BIRC6: variants seen among roughly 807,000 people sequenced by gnomAD.
The protein encoded by BIRC6 is baculoviral IAP repeat containing 6.
Under a neutral mutation model 503.3 loss-of-function variants are expected in BIRC6, and 98 were observed. The observed-to-expected ratio is 0.19, with a 90% CI of 0.17 to 0.23. The LOEUF (loss-of-function observed/expected upper bound fraction) is 0.23, where lower values mean the gene tolerates loss of function less well. Among genes scored for constraint, BIRC6 ranks in the 10% least tolerant of loss-of-function variants. The pLI, the probability that BIRC6 is intolerant of heterozygous loss-of-function variation, is 1.00. For synonymous variants in BIRC6, 2,240 were observed against 2,078.7 expected, an observed-to-expected ratio of 1.08 and a Z score of -2.11; for missense variants, 5,360 against 5,806.0, an observed-to-expected ratio of 0.92 and a Z score of 2.50.
At position 32,374,729 on chromosome 2, in the gene BIRC6, C is replaced by T. The variant is rs186699298; in HGVS notation, c.326-2859C>T. On this transcript the variant is annotated intron_variant, in intron 1 of 73. Coordinates refer to ENST00000421745, the MANE Select transcript of BIRC6 (RefSeq NM_016252.4). ...CCTTGTGATCCACCTGCCTCGGCCT[C>T]CCAAAGTGCTGGGATTACAGGCGTG... 7.6e-3 allele frequency among the ~76,000 whole-genome samples: 1,150 copies of T among 152,244 alleles called. 8 individuals are homozygous for T. Among genetic ancestry groups the T allele is most frequent in the Middle Eastern group, 0.02 (6 of 294 alleles).
chr2:32,424,837 C>T (rs1039780251), intron 10 of BIRC6, among the ~76,000 whole-genome samples: 1 of 152,030 alleles, frequency 6.6e-6, no homozygotes, highest in Non-Finnish European at 1.5e-5. Context: ...TGAGAATCAC[C>T]AAGTTATTTT....
intron 71 of BIRC6, among the ~76,000 whole-genome samples, chr2:32,605,880 T>G (rs989505930): frequency 6.6e-6 from 1 of 152,048 alleles, no homozygotes; most frequent in Non-Finnish European, 1.5e-5. Context: ...AAATAAAAAT[T>G]AAAAATATGA....
intron 72 of BIRC6, among the ~76,000 whole-genome samples, chr2:32,610,557 T>C (rs527571322): frequency 2.6e-4 from 40 of 152,340 alleles, no homozygotes; most frequent in Admixed American, 9.8e-4. Flanking sequence ...CTAGGTGTTC[T>C]TTGAGTTATC....
At chr2:32,451,953 G>A (rs1383422580) in intron 22 of BIRC6, among the ~76,000 whole-genome samples, 2 of 152,092 alleles carry the variant, frequency 1.3e-5, no homozygotes, top group African/African-American at 4.8e-5. Context: ...AATGATCAAT[G>A]CATGATGTTT....
chr2:32,537,822 C>T (rs188834985), intron 61 of BIRC6, among the ~76,000 whole-genome samples: 3 of 151,882 alleles, frequency 2.0e-5, no homozygotes, highest in African/African-American at 4.8e-5. Flanking sequence ...AAAAATTAGC[C>T]GGGCGGGGTG....
At chr2:32,535,922 A>G (rs1283573302) in intron 61 of BIRC6, among the ~76,000 whole-genome samples, 1 of 152,232 alleles carries the variant, frequency 6.6e-6, no homozygotes, top group Admixed American at 6.5e-5. Context: ...AGTCCCACCA[A>G]CGGTGTAAAA....
At chr2:32,569,642 G>A (rs1300225559) in intron 65 of BIRC6, among the ~76,000 whole-genome samples, 1 of 151,080 alleles carries the variant, frequency 6.6e-6, no homozygotes, top group Non-Finnish European at 1.5e-5. Flanking sequence ...AAAGTGCTGT[G>A]ATTTCAGGCA....
At chr2:32,379,986 C>T (rs1421691085) in intron 2 of BIRC6, among the ~76,000 whole-genome samples, 167 bp from the exon 3 acceptor site, 1 of 151,856 alleles carries the variant, frequency 6.6e-6, no homozygotes, top group African/African-American at 2.4e-5. Flanking sequence ...TTATAATAGC[C>T]CTTTAAATTA....
intron 59 of BIRC6, chr2:32,527,107 G>A (rs1017742281): frequency 6.6e-6 from 1 of 152,172 alleles, no homozygotes; most frequent in Non-Finnish European, 1.5e-5. Flanking sequence ...GCATACATAA[G>A]TACAAACATG....
chr2:32,486,936 C>T (rs1239971751), intron 40 of BIRC6, among the ~76,000 whole-genome samples: 3 of 151,858 alleles, frequency 2.0e-5, no homozygotes, highest in Non-Finnish European at 4.4e-5. Flanking sequence ...CCCAAAGTAA[C>T]CCTTTTCTTT....
intron 3 of BIRC6, among the ~76,000 whole-genome samples, chr2:32,382,579 A>G (rs556220965): frequency 1.3e-5 from 2 of 152,342 alleles, no homozygotes; most frequent in East Asian, 3.9e-4. Context: ...CCAACCTGAT[A>G]GAGCAGAGAA....
Position 32,362,566 on chromosome 2 carries a change from C to T in BIRC6, c.325+5080C>T, listed in dbSNP as rs1178973565. On this transcript the variant is annotated intron_variant, in intron 1 of 73. Transcript: ENST00000421745. ...ATCTCTTGACCTCATGATCTGCCTG[C>T]CTCGGCCTCCCAAAGTGCTGGGATT... Among the ~76,000 whole-genome samples, 23 of 152,054 alleles carry T rather than the reference C, an allele frequency of 1.5e-4. 1 individual carries two copies. The highest frequency in any genetic ancestry group is 1.5e-3 in the Admixed American group (23 of 15,248).
At chr2:32,494,712 G>A (rs2052222141) in intron 45 of BIRC6, among the ~76,000 whole-genome samples, 1 of 151,696 alleles carries the variant, frequency 6.6e-6, no homozygotes. Flanking sequence ...GAGTAGCCTG[G>A]GTCACATGGC....
chr2:32,468,549 G>T lies in BIRC6; in HGVS notation c.5893G>T (p.Glu1965Ter), dbSNP rs200263055. Residue 1965 changes from glutamate to a stop codon, truncating the protein, a stop_gained, in exon 29 of 74, where the codon GAG becomes TAG. Transcript: ENST00000421745. LOFTEE classifies it high-confidence loss of function. ...TTTACGAAAACCAGATAAGGCAGTTGAGGAAGACAGTAGGGTTTTTTCTGC... is the reference window on the plus strand; with the variant it reads ...TTTACGAAAACCAGATAAGGCAGTTTAGGAAGACAGTAGGGTTTTTTCTGC... ...YFLRKPDKAVEEDSRVFSAYQ... is the reference protein window; with the variant it reads ...YFLRKPDKAV 1.1e-5 allele frequency: 17 copies of T among 1,613,866 alleles called. No individual in the cohort carries two copies. Among genetic ancestry groups the T allele is most frequent in the Non-Finnish European group, 1.4e-5 (17 of 1,179,880 alleles).
At chr2:32,426,670 A>T (rs1394187559) in intron 10 of BIRC6, among the ~76,000 whole-genome samples, 1 of 152,268 alleles carries the variant, frequency 6.6e-6, no homozygotes, top group Non-Finnish European at 1.5e-5. Context: ...TTATCTTTTT[A>T]AAAAGTTGGC....
chr2:32,361,438 A>C (rs2034070106), intron 1 of BIRC6, among the ~76,000 whole-genome samples: 1 of 152,096 alleles, frequency 6.6e-6, no homozygotes, highest in Admixed American at 6.6e-5. Flanking sequence ...TATGCCCTCT[A>C]TCTCTGTGCT....
At chr2:32,553,127 G>T (rs2058538839) in intron 65 of BIRC6, among the ~76,000 whole-genome samples, 1 of 137,712 alleles carries the variant, frequency 7.3e-6, no homozygotes, top group Admixed American at 7.7e-5. Context: ...AACCCAGGAG[G>T]GGGAGGTTGC....
chr2:32,552,561 G>A (rs2058497371), intron 65 of BIRC6, among the ~76,000 whole-genome samples: 1 of 152,144 alleles, frequency 6.6e-6, no homozygotes, highest in South Asian at 2.1e-4. Context: ...GCTCCTTAGA[G>A]GAAAGGACAA....
In BIRC6 at chr2:32,611,602, A is replaced by G. The variant is rs756358252; in HGVS notation, c.14394+20A>G. On this transcript the variant is annotated intron_variant, in intron 73 of 73. Transcript: ENST00000421745. ...CTCAAGGTGAGTAAGCCTCTCTAACAGGAGCCTTGTTGCTTTAAGAGTTGT... is the reference window on the plus strand; with the variant it reads ...CTCAAGGTGAGTAAGCCTCTCTAACGGGAGCCTTGTTGCTTTAAGAGTTGT... The G allele has an allele frequency of 2.6e-6, 4 of 1,534,310 alleles. No homozygotes were observed. The African/African-American group carries it at 5.5e-5, about 21-fold the overall frequency.
Sources: allele counts gnomAD v4.1 joint callset (sites outside exome capture counted in the v4.1 genomes callset), GRCh38; gene constraint gnomAD v4.1.1; transcripts MANE v1.5; gene names NCBI Gene and HGNC (gene_info 2026-07-23, HGNC 2026-07-21).